The following ZNF407 variants were observed in gnomAD, a reference collection of about 807,000 sequenced individuals.
The protein encoded by ZNF407 is zinc finger protein 407.
In ZNF407, 17 loss-of-function variants were observed where a neutral mutation model predicts 131.2. That is an observed-to-expected ratio of 0.13 (90% CI 0.09 to 0.19). ZNF407 has a LOEUF of 0.19. Ranked by LOEUF, ZNF407 falls within the 10% of genes least tolerant of loss-of-function variation. The pLI is 1.00. For missense variants in ZNF407, 2,681 were observed against 2,830.6 expected, an observed-to-expected ratio of 0.95 and a Z score of 1.20; for synonymous variants, 1,156 against 1,062.0, an observed-to-expected ratio of 1.09 and a Z score of -1.72.
At chr18:74,960,146 T>G (rs1307719391) in intron 8 of ZNF407, among the ~76,000 whole-genome samples, 3 of 152,232 alleles carry the variant, frequency 2.0e-5, no homozygotes, top group East Asian at 1.9e-4. Flanking sequence ...TTTTGGCACT[T>G]TTAGGATTAT....
chr18:74,841,653 T>A (rs1352548813), intron 4 of ZNF407, among the ~76,000 whole-genome samples: 2 of 152,256 alleles, frequency 1.3e-5, no homozygotes, highest in African/African-American at 2.4e-5. Flanking sequence ...ATGTTAATTG[T>A]AGAATCATTT....
intron 8 of ZNF407, among the ~76,000 whole-genome samples, chr18:74,995,955 C>G (rs1333821820): frequency 6.6e-6 from 1 of 152,082 alleles, no homozygotes; most frequent in Non-Finnish European, 1.5e-5. Context: ...TCAGTTTTAA[C>G]CACTGTGATG....
intron 8 of ZNF407, among the ~76,000 whole-genome samples, chr18:75,039,925 A>G (rs1271053721): frequency 2.6e-5 from 4 of 151,906 alleles, no homozygotes; most frequent in Non-Finnish European, 4.4e-5. Context: ...TTTTCAAGCT[A>G]TGGAAATGAG....
intron 3 of ZNF407, among the ~76,000 whole-genome samples, chr18:74,696,281 ATAAT>A (rs1162932478): frequency 6.6e-6 from 1 of 152,234 alleles, no homozygotes; most frequent in Non-Finnish European, 1.5e-5. Context: ...AACTCCAAAA[ATAAT>A]TTATTTTTTC....
chr18:74,702,997 C>A (rs1192673791), intron 3 of ZNF407, among the ~76,000 whole-genome samples: 1 of 152,162 alleles, frequency 6.6e-6, no homozygotes, highest in Non-Finnish European at 1.5e-5. Context: ...TGCTTCAGAC[C>A]CTGATGGTAT....
intron 4 of ZNF407, among the ~76,000 whole-genome samples, chr18:74,810,313 CCAAAAGTT>C (rs1970175986): frequency 6.7e-6 from 1 of 150,324 alleles, no homozygotes; most frequent in South Asian, 2.1e-4. Flanking sequence ...AATCTGAGTG[CCAAAAGTT>C]TTAGATTTAA....
At chr18:74,658,865 T>G (rs1985594068) in intron 3 of ZNF407, among the ~76,000 whole-genome samples, 1 of 152,202 alleles carries the variant, frequency 6.6e-6, no homozygotes, top group Non-Finnish European at 1.5e-5. Flanking sequence ...CGTAAATATA[T>G]ATTTTAGCTT....
intron 4 of ZNF407, among the ~76,000 whole-genome samples, chr18:74,800,386 T>C (rs1468896476): frequency 1.3e-5 from 2 of 152,050 alleles, no homozygotes; most frequent in Non-Finnish European, 2.9e-5. Flanking sequence ...CTCATATTAT[T>C]TTTATTTTCA....
intron 4 of ZNF407, among the ~76,000 whole-genome samples, chr18:74,841,155 A>G (rs1473621865): frequency 6.6e-6 from 1 of 152,128 alleles, no homozygotes. Flanking sequence ...AGATTTTCTC[A>G]TGTAGTAATG....
chr18:74,982,450 G>A (rs985768183), intron 8 of ZNF407, among the ~76,000 whole-genome samples: 5 of 152,146 alleles, frequency 3.3e-5, no homozygotes, highest in African/African-American at 1.2e-4. Context: ...AATACTTACC[G>A]AGTTAATCTG....
chr18:74,921,211 G>A lies in ZNF407; in HGVS notation c.5428+519G>A, dbSNP rs140284961. 2.6e-5 allele frequency among the ~76,000 whole-genome samples: 4 copies of A among 152,282 alleles called. No individual in the cohort carries two copies. In the East Asian group the frequency reaches 5.8e-4, roughly 22 times the overall value. ...AGGGGGCTGGCCCTAGGTTGGGGAA[G>A]AGCTGGTGATGGGAGCGGCTGCTAA... On this transcript the variant is annotated intron_variant, in intron 8 of 8. Transcript: ENST00000299687.
At chr18:74,701,451 G>T (rs747684141) in intron 3 of ZNF407, among the ~76,000 whole-genome samples, 21 of 152,062 alleles carry the variant, frequency 1.4e-4, no homozygotes, top group Non-Finnish European at 2.2e-4. Context: ...TTTAGCTCTG[G>T]AGTTGAATTC....
chr18:74,997,890 A>G (rs955424047), intron 8 of ZNF407, among the ~76,000 whole-genome samples: 5 of 152,158 alleles, frequency 3.3e-5, no homozygotes, highest in Non-Finnish European at 7.4e-5. Flanking sequence ...TTTTCTACTC[A>G]ATCTTAAATT....
Position 74,631,920 on chromosome 18 carries a change from G to A in ZNF407, c.901G>A (p.Val301Ile), listed in dbSNP as rs745476120. 6.2e-7 allele frequency: 1 copy of A among 1,613,838 alleles called. No homozygotes were observed. Among genetic ancestry groups the A allele is most frequent in the Non-Finnish European group, 8.5e-7 (1 of 1,179,880 alleles). ...ATCACGTACAATGGCAACAAAAAAT[G>A]TTCACTCAAAACCAAGAACTTCTAA... ...KKSRTMATKN[V>I]HSKPRTSKSI... is the part of the protein sequence containing the mutation. Residue 301 changes from valine to isoleucine, a missense_variant, in exon 2 of 9, where the codon GTT (valine) becomes ATT (isoleucine). Val to Ile is a conservative substitution (Grantham distance 29, BLOSUM62 3). This residue lies in a region of ZNF407 where 1,789 missense variants were observed against 1,748.7 expected (regional missense o/e 1.02). Transcript: ENST00000299687.
chr18:74,615,430 G>C (rs570303034), intron 1 of ZNF407, among the ~76,000 whole-genome samples: 9 of 152,274 alleles, frequency 5.9e-5, no homozygotes, highest in East Asian at 1.9e-4. Context: ...GCTTGAACCC[G>C]GGGGGCAGAG....
chr18:74,726,996 T>C (rs1165677946), intron 3 of ZNF407, among the ~76,000 whole-genome samples: 20 of 152,184 alleles, frequency 1.3e-4, no homozygotes, highest in Admixed American at 1.2e-3. Context: ...CATGTCTTAA[T>C]AGGAAACCAG....
chr18:75,012,296 GTGTA>G (rs1972984852), intron 8 of ZNF407, among the ~76,000 whole-genome samples: 5 of 111,206 alleles, frequency 4.5e-5, no homozygotes, highest in African/African-American at 1.3e-4. Flanking sequence ...TGTACACATA[GTGTA>G]TGTACACATA....
chr18:74,753,514 A>G (rs1245466263), intron 3 of ZNF407, among the ~76,000 whole-genome samples: 2 of 152,164 alleles, frequency 1.3e-5, no homozygotes, highest in Non-Finnish European at 1.5e-5. Context: ...AGCTCTTATT[A>G]TTTGGGAGAC....
intron 4 of ZNF407, among the ~76,000 whole-genome samples, chr18:74,847,489 A>G (rs1224792998): frequency 1.3e-5 from 2 of 152,192 alleles, no homozygotes; most frequent in African/African-American, 2.4e-5. Context: ...GGTTTTCATG[A>G]TTCTCATCAA....
Sources: gnomAD v4.1 joint callset for allele counts (sites outside exome capture counted in the v4.1 genomes callset) on GRCh38, gnomAD v4.1.1 for gene constraint, gnomAD v4.1.1 regional missense constraint, MANE v1.5 for transcripts, NCBI Gene and HGNC (gene_info 2026-07-23, HGNC 2026-07-21) for gene names.